COX7B: variants seen among roughly 807,000 people sequenced by gnomAD.
COX7B encodes the protein cytochrome c oxidase subunit 7B.
A neutral mutation model predicts 7.9 loss-of-function variants in COX7B; 2 were observed. The ratio of observed to expected loss-of-function variants is 0.25; its 90% CI spans 0.10 to 0.79. The LOEUF is 0.79. COX7B is among the 30% of genes least tolerant of loss of function. The pLI, the probability that COX7B is intolerant of heterozygous loss-of-function variation, is 0.69. For synonymous variants in COX7B, 19 were observed against 21.1 expected (o/e 0.90, Z 0.27); for missense variants, 54 against 62.7 (o/e 0.86, Z 0.47).
chrX:77,903,705 T>C (rs193256379), intron 2 of COX7B, among the ~76,000 whole-genome samples: 51 of 111,316 alleles, frequency 4.6e-4, no homozygotes, highest in Non-Finnish European at 3.8e-5. Context: ...TTCCAGGATT[T>C]TTACTGTCTT....
At chrX:77,903,039 T>G (rs1489730282) in intron 2 of COX7B, 1 of 207,950 alleles carries the variant, frequency 4.8e-6, no homozygotes, top group Non-Finnish European at 8.6e-6. Context: ...TTTTTTTTTT[T>G]TTTTAAGAAG....
chrX:77,903,024 TTTTG>T, intron 2 of COX7B: 1 of 229,246 alleles, frequency 4.4e-6, no homozygotes, highest in Non-Finnish European at 7.8e-6. Context: ...TTTTTTTTGT[TTTTG>T]TTTTTTTTTT....
chrX:77,905,481 G>GTTTTTTTT lies in COX7B; in HGVS notation c.*240_*247dup, dbSNP rs34296412. On this transcript the variant is annotated 3_prime_UTR_variant, in exon 3 of 3. Coordinates refer to ENST00000650309, the MANE Select transcript of COX7B (RefSeq NM_001866.3). ...AAATGCTGTGCAGCTTCTTAAATAG[G>GTTTTTTTT]TTTTTTTTTTTTTTTTTTTTTTTTT... 1 of 62,859 alleles carries GTTTTTTTT rather than the reference G, an allele frequency of 1.6e-5. No individual in the cohort carries two copies. Among genetic ancestry groups the GTTTTTTTT allele is most frequent in the Non-Finnish European group, 2.6e-5 (1 of 37,816 alleles). 5.2% of individuals were successfully genotyped at this position (62,859 alleles called of 1,213,427 possible).
intron 2 of COX7B, among the ~76,000 whole-genome samples, chrX:77,903,936 G>GTTTTTTTTTTTTTTTTTTTTTTTTTTTTT (rs781838016): frequency 1.2e-5 from 1 of 84,037 alleles, no homozygotes. Context: ...TTTGTTTTTT[G>GTTTTTTTTTTTTTTTTTTTTTTTTTTTTT]TTTTTTTTTT....
chrX:77,903,911 G>GTT (rs782106235), intron 2 of COX7B, among the ~76,000 whole-genome samples: 1 of 87,999 alleles, frequency 1.1e-5, no homozygotes, highest in African/African-American at 4.1e-5. Flanking sequence ...TGAAGTCTGT[G>GTT]TTTTTTTTTT....
chrX:77,899,949 A>C (rs2077116350), intron 1 of COX7B, among the ~76,000 whole-genome samples: 1 of 112,071 alleles, frequency 8.9e-6, no homozygotes, highest in Admixed American at 9.5e-5. Context: ...TGTATAGAAA[A>C]ATATCTTCTC....
rs541660767 is a variant in COX7B, at chrX:77,904,498, C to T, written c.166-686C>T. 1.8e-4 allele frequency among the ~76,000 whole-genome samples: 19 copies of T among 107,302 alleles called. No homozygotes were observed. In the South Asian group the frequency reaches 6.8e-3, roughly 38 times the overall value. The allele number at this position is 107,302 out of a possible 115,157, so 93.2% of individuals were successfully genotyped here. A position where few individuals can be genotyped will look rare whatever the true frequency, so the allele number is the denominator to read the frequency against. On this transcript the variant is annotated intron_variant, in intron 2 of 2. Transcript: ENST00000650309. ...CTCTACTAAAAATACAAAAATTAGC[C>T]GGGCGTGGTGGTGGGCACCTGTAGT...
rs2077136600 is a variant in COX7B, at chrX:77,906,929, A to G, written c.*1668A>G. ...AGGCATGAGACACCGCGCCCGGCTT[A>G]TATATCATTACTTTCTTGGCTGAGA... On this transcript the variant is annotated 3_prime_UTR_variant, in exon 3 of 3. Transcript: ENST00000650309. 9.0e-6 allele frequency: 1 copy of G among 110,908 alleles called. No homozygotes were observed. Among genetic ancestry groups the G allele is most frequent in the African/African-American group, 3.3e-5 (1 of 30,374 alleles). The allele number at this position is 110,908 out of a possible 1,213,427, so 9.1% of individuals were successfully genotyped here.
rs1242714067 is a variant in COX7B at position 77,905,043 on chromosome X, A to G, written c.166-141A>G. 9 of 488,162 alleles carry G rather than the reference A, an allele frequency of 1.8e-5. No homozygotes were observed. In the Admixed American group the frequency reaches 2.7e-4, roughly 15 times the overall value. 40.2% of individuals were successfully genotyped at this position (488,162 alleles called of 1,213,427 possible). ...TTAGGACAGCAATCAGGTTTGGCCT[A>G]TATGGAGGGTATTAGATCCCAGGTG... On this transcript the variant is annotated intron_variant, in intron 2 of 2. Transcript: ENST00000650309.
At position 77,905,254 on chromosome X, in the gene COX7B, A is replaced by G; in HGVS notation, c.236A>G (p.Asn79Ser). The change falls in exon 3 of 3, where the codon AAT becomes AGT. Residue 79 changes from asparagine (N) to serine (S), a missense_variant. Asn to Ser is a conservative substitution (Grantham distance 46). Coordinates refer to ENST00000650309, the MANE Select transcript of COX7B (RefSeq NM_001866.3). ...VGRVTPKEWR[N>S]Q is the part of the protein sequence containing the mutation. Reference sequence around the variant, plus strand: ...AGAGTTACCCCAAAGGAATGGAGGAATCAGTAATCATCCCAGCTGGTGTAA... The same window carrying G: ...AGAGTTACCCCAAAGGAATGGAGGAGTCAGTAATCATCCCAGCTGGTGTAA... The G allele has an allele frequency of 8.4e-7, 1 of 1,194,082 alleles. No individual in the cohort carries two copies. Among genetic ancestry groups the G allele is most frequent in the Non-Finnish European group, 1.1e-6 (1 of 880,736 alleles).
intron 2 of COX7B, among the ~76,000 whole-genome samples, chrX:77,903,581 G>C (rs1488680067): frequency 1.8e-5 from 2 of 110,903 alleles, no homozygotes; most frequent in East Asian, 5.6e-4. Flanking sequence ...CAGAAATTCT[G>C]ACCCACTTCC....
At chrX:77,903,771 C>T (rs1330909873) in intron 2 of COX7B, among the ~76,000 whole-genome samples, 3 of 111,130 alleles carry the variant, frequency 2.7e-5, no homozygotes, top group Admixed American at 9.6e-5. Flanking sequence ...AAATTTTACA[C>T]TCAGAACTTA....
At chrX:77,900,441 G>A (rs956900754) in intron 1 of COX7B, among the ~76,000 whole-genome samples, 1 of 112,295 alleles carries the variant, frequency 8.9e-6, no homozygotes, top group Admixed American at 9.5e-5. Context: ...AGGTTGGGCA[G>A]GTACAGGGAG....
At chrX:77,904,569 AG>A (rs2077129371) in intron 2 of COX7B, among the ~76,000 whole-genome samples, 1 of 105,812 alleles carries the variant, frequency 9.5e-6, no homozygotes, top group Non-Finnish European at 1.9e-5. Context: ...CTGAAGTTGG[AG>A]GGGGTGGAGG....
rs1253742108 is a variant in COX7B, at chrX:77,906,481, T to G, written c.*1220T>G. ...TATGATGTTATTAAAGAAAATCTTG[T>G]CAAATGCAGTCTGTTCCTAGTTATC... On this transcript the variant is annotated 3_prime_UTR_variant, in exon 3 of 3. Transcript: ENST00000650309. 1 of 112,088 alleles carries G rather than the reference T, an allele frequency of 8.9e-6. No homozygotes were observed. Among genetic ancestry groups the G allele is most frequent in the Non-Finnish European group, 1.9e-5 (1 of 53,270 alleles). The allele number at this position is 112,088 out of a possible 1,213,427, so 9.2% of individuals were successfully genotyped here. A position where few individuals can be genotyped will look rare whatever the true frequency, so the allele number is the denominator to read the frequency against.
rs782218608 is a variant in COX7B, at chrX:77,899,574, C to A, written c.21C>A (p.Ser7Arg). The change falls in exon 1 of 3, where the codon AGC becomes AGA. Residue 7 changes from serine (S) to arginine (R), a missense_variant. Transcript: ENST00000650309. Reference protein sequence around the residue: MFPLVKSALNRLQVRSI... With the variant: MFPLVKRALNRLQVRSI... ...TCACGATGTTTCCCTTGGTCAAAAGCGCACTAAATCGTCTCCAAGGTGAGC... is the reference window on the plus strand; with the variant it reads ...TCACGATGTTTCCCTTGGTCAAAAGAGCACTAAATCGTCTCCAAGGTGAGC... The A allele has an allele frequency of 1.2e-5, 15 of 1,210,880 alleles. 1 individual carries two copies. The South Asian group carries it at 2.1e-4, about 17-fold the overall frequency.
intron 2 of COX7B, 152 bp downstream of exon 2, chrX:77,902,919 T>C (rs1032933058): frequency 8.7e-6 from 4 of 458,650 alleles, no homozygotes; most frequent in South Asian, 6.6e-5. Flanking sequence ...AGGGGATTTT[T>C]TCCCCCCAGC....
At position 77,905,459 on chromosome X, in the gene COX7B, TGCTGTGCA is replaced by T. The variant is rs1372738837; in HGVS notation, c.*202_*209del. 6.2e-5 allele frequency: 17 copies of T among 274,934 alleles called. No homozygotes were observed. Among genetic ancestry groups the T allele is most frequent in the Non-Finnish European group, 8.9e-5 (14 of 157,333 alleles). The allele number at this position is 274,934 out of a possible 1,213,427, so 22.7% of individuals were successfully genotyped here. Reference sequence around the variant, plus strand: ...CCTTTATGTTAATATTAAAGTCAAATGCTGTGCAGCTTCTTAAATAGGTTTTTTTTTTT... The same window carrying T: ...CCTTTATGTTAATATTAAAGTCAAATGCTTCTTAAATAGGTTTTTTTTTTT... On this transcript the variant is annotated 3_prime_UTR_variant, in exon 3 of 3. Transcript: ENST00000650309.
In COX7B at chrX:77,902,821, A is replaced by G. The variant is rs782539581; in HGVS notation, c.165+54A>G. On this transcript the variant is annotated intron_variant, in intron 2 of 2. Transcript: ENST00000650309. The stretch of plus-strand genomic sequence containing the variant: ...TTCAGATGTTTTTCATTCTCAGTCT[A>G]TGCATTCAAAGTGTCTTAACATAGT... 96 of 1,123,267 alleles carry G rather than the reference A, an allele frequency of 8.5e-5. No homozygotes were observed. The African/African-American group carries it at 1.4e-3, about 16-fold the overall frequency. The allele number at this position is 1,123,267 out of a possible 1,213,427, so 92.6% of individuals were successfully genotyped here.
Sources: gnomAD v4.1 joint callset for allele counts (sites outside exome capture counted in the v4.1 genomes callset) on GRCh38, gnomAD v4.1.1 for gene constraint, MANE v1.5 for transcripts, NCBI Gene and HGNC (gene_info 2026-07-23, HGNC 2026-07-21) for gene names.